Variants in TANC2 observed in about 807,000 individuals in gnomAD.
The protein encoded by TANC2 is protein TANC2.
A neutral mutation model predicts 210.5 loss-of-function variants in TANC2; 26 were observed. The observed-to-expected ratio is 0.12, with a 90% CI of 0.09 to 0.17. TANC2 has a LOEUF of 0.17. TANC2 is among the 10% of genes least tolerant of loss of function. The probability of loss-of-function intolerance (pLI) is 1.00; values close to 1 mark genes in which losing one functional copy is unlikely to be tolerated. For missense variants in TANC2, 2,129 were observed against 2,608.9 expected (o/e 0.82, Z 4.01); for synonymous variants, 931 against 967.1 (o/e 0.96, Z 0.69).
Position 63,412,139 on chromosome 17 carries a change from A to C in TANC2, c.3898+9A>C. 6.2e-7 allele frequency: 1 copy of C among 1,613,950 alleles called. No individual in the cohort carries two copies. The highest frequency in any genetic ancestry group is 8.5e-7 in the Non-Finnish European group (1 of 1,179,874). ...GAAAGGAGCCAAGATAGGTAGGAGAAGGGAAGAGGATGTTGGCCATCTGTG... is the reference window on the plus strand; with the variant it reads ...GAAAGGAGCCAAGATAGGTAGGAGACGGGAAGAGGATGTTGGCCATCTGTG... On this transcript the variant is annotated intron_variant, in intron 23 of 27. Coordinates refer to ENST00000689528, the Ensembl canonical transcript of TANC2. This position sits in a 1 kb window ranked among gnomAD's most constrained non-coding sequence, Gnocchi z 4.2.
intron 2 of TANC2, among the ~76,000 whole-genome samples, chr17:63,069,417 G>A (rs1348410699): frequency 6.6e-6 from 1 of 152,064 alleles, no homozygotes; most frequent in Non-Finnish European, 1.5e-5. Flanking sequence ...GTTTGCTCCT[G>A]GTTGAAAATC....
At chr17:63,405,100 A>T (rs773557635) in intron 19 of TANC2, 22 bp from the exon 20 acceptor site, 1 of 1,594,806 alleles carries the variant, frequency 6.3e-7, no homozygotes, top group Non-Finnish European at 8.6e-7. Context: ...ACCTATCCTC[A>T]ATCTTTGTTC....
intron 17 of TANC2, chr17:63,389,848 A>G (rs2047907312): frequency 2.8e-6 from 1 of 353,034 alleles, no homozygotes; most frequent in Non-Finnish European, 5.4e-6. Context: ...TCTTTTTAAC[A>G]AAGAGAGGAA....
At chr17:63,017,778 G>A (rs1030621715) in intron 2 of TANC2, among the ~76,000 whole-genome samples, 1 of 152,228 alleles carries the variant, frequency 6.6e-6, no homozygotes, top group Non-Finnish European at 1.5e-5. Context: ...AAATTGGTTA[G>A]AGATTATTTT....
intron 12 of TANC2, among the ~76,000 whole-genome samples, chr17:63,346,730 G>A (rs1488292647): frequency 6.6e-6 from 1 of 152,126 alleles, no homozygotes; most frequent in African/African-American, 2.4e-5. Context: ...TTGAGACAAG[G>A]TCTCTCACTC....
At chr17:63,301,164 G>A (rs952133993) in intron 9 of TANC2, among the ~76,000 whole-genome samples, 25 of 152,278 alleles carry the variant, frequency 1.6e-4, no homozygotes, top group African/African-American at 6.0e-4. Flanking sequence ...TTGATGTGCT[G>A]CTGGATTTGG....
At chr17:63,298,581 A>G (rs1285093948) in intron 9 of TANC2, among the ~76,000 whole-genome samples, 1 of 152,134 alleles carries the variant, frequency 6.6e-6, no homozygotes, top group Non-Finnish European at 1.5e-5. Context: ...TGGAGCAACA[A>G]AAATGTTTTG....
chr17:63,167,432 A>C (rs995515581), intron 5 of TANC2, among the ~76,000 whole-genome samples: 1 of 152,170 alleles, frequency 6.6e-6, no homozygotes, highest in African/African-American at 2.4e-5. Flanking sequence ...GGTACACTAC[A>C]GTGAATGTTA....
At position 63,393,776 on chromosome 17, in the gene TANC2, ATTT is replaced by A. The variant is rs58388281; in HGVS notation, c.3052-1957_3052-1955del. Among the ~76,000 whole-genome samples, 4 of 124,090 alleles carry A rather than the reference ATTT, an allele frequency of 3.2e-5. No individual in the cohort carries two copies. The Admixed American group carries it at 3.2e-4, about 10-fold the overall frequency. 81.4% of individuals were successfully genotyped at this position (124,090 alleles called of 152,430 possible). On this transcript the variant is annotated intron_variant, in intron 17 of 27. Coordinates refer to ENST00000689528, the Ensembl canonical transcript of TANC2. Reference sequence around the variant, plus strand: ...AGTAAGTATTATTATTATTATTATTATTTTTTTTTTTTGAGAGGAGTTTCACTC... The same window carrying A: ...AGTAAGTATTATTATTATTATTATTATTTTTTTTTGAGAGGAGTTTCACTC...
rs546251923 is a variant in TANC2 at position 63,060,334 on chromosome 17, G to A, written c.68-13609G>A. Among the ~76,000 whole-genome samples, 5 of 152,278 alleles carry A rather than the reference G, an allele frequency of 3.3e-5. No homozygotes were observed. The South Asian group carries it at 6.2e-4, about 19-fold the overall frequency. On this transcript the variant is annotated intron_variant, in intron 2 of 27. Coordinates refer to ENST00000689528, the Ensembl canonical transcript of TANC2. ...ACAATCTCTCTCTTTAAAAGTCCTC[G>A]TTTGGGCTGGGCGTGGTGGCCCACG...
intron 9 of TANC2, among the ~76,000 whole-genome samples, chr17:63,290,863 A>G (rs1353392082): frequency 6.6e-6 from 1 of 152,200 alleles, no homozygotes; most frequent in African/African-American, 2.4e-5. Flanking sequence ...ATAAGCTACA[A>G]TGCATATTGT....
chr17:63,309,081 T>A (rs913230647), intron 9 of TANC2, among the ~76,000 whole-genome samples: 1 of 152,178 alleles, frequency 6.6e-6, no homozygotes. Context: ...TATTCCTTTC[T>A]ATTTTAATGT....
intron 4 of TANC2, among the ~76,000 whole-genome samples, chr17:63,116,666 T>C (rs868223185): frequency 3.9e-4 from 59 of 152,364 alleles, no homozygotes; most frequent in South Asian, 3.3e-3. Flanking sequence ...ACTTTATTAG[T>C]CAATCAGTTG....
At chr17:63,169,617 C>T (rs921642901) in intron 5 of TANC2, among the ~76,000 whole-genome samples, 7 of 152,038 alleles carry the variant, frequency 4.6e-5, no homozygotes, top group Non-Finnish European at 1.0e-4. Flanking sequence ...AGATGGAGAC[C>T]GTCCTGGCCA....
chr17:63,367,682 A>G (rs1481576820), intron 14 of TANC2, among the ~76,000 whole-genome samples: 4 of 152,192 alleles, frequency 2.6e-5, no homozygotes, highest in Admixed American at 2.0e-4. Flanking sequence ...GGAGCACTGT[A>G]GGCAGAAAGG....
chr17:63,158,447 G>C (rs1024605090), intron 5 of TANC2, among the ~76,000 whole-genome samples: 1 of 152,224 alleles, frequency 6.6e-6, no homozygotes, highest in African/African-American at 2.4e-5. Context: ...TGTTCAGGAA[G>C]AATTCTGTGG....
chr17:63,287,383 AATTG>A (rs1214920297), intron 9 of TANC2, among the ~76,000 whole-genome samples: 1 of 152,064 alleles, frequency 6.6e-6, no homozygotes, highest in East Asian at 1.9e-4. Context: ...TGTCAGTTTC[AATTG>A]ATTGATTTTG....
chr17:63,191,162 A>C (rs1374205295), intron 5 of TANC2, among the ~76,000 whole-genome samples: 1 of 151,976 alleles, frequency 6.6e-6, no homozygotes, highest in Non-Finnish European at 1.5e-5. Flanking sequence ...TGCAGAATCA[A>C]CGTACACTAA....
chr17:63,345,831 A>T (rs371973341), intron 12 of TANC2, among the ~76,000 whole-genome samples: 20 of 152,290 alleles, frequency 1.3e-4, no homozygotes, highest in African/African-American at 4.8e-4. Context: ...CAGCTCAGGG[A>T]TGGGGGGCTG....
Sources: allele counts gnomAD v4.1 joint callset (sites outside exome capture counted in the v4.1 genomes callset), GRCh38; gene constraint gnomAD v4.1.1; non-coding constraint Gnocchi (gnomAD v3.1); transcripts MANE v1.5; gene names NCBI Gene and HGNC (gene_info 2026-07-23, HGNC 2026-07-21).